The following PLXND1 variants were observed in gnomAD, a reference collection of about 807,000 sequenced individuals.
PLXND1 encodes plexin D1.
In PLXND1, 54 loss-of-function variants were observed where a neutral mutation model predicts 197.7. That is an observed-to-expected ratio of 0.27 (90% CI 0.22 to 0.34). The LOEUF (loss-of-function observed/expected upper bound fraction) is 0.34, where lower values mean the gene tolerates loss of function less well. Ranked by LOEUF, PLXND1 falls within the 10% of genes least tolerant of loss-of-function variation. The pLI is 1.00. For missense variants in PLXND1, 2,127 were observed against 2,699.2 expected, an observed-to-expected ratio of 0.79 and a Z score of 4.70; for synonymous variants, 1,180 against 1,161.2, an observed-to-expected ratio of 1.02 and a Z score of -0.33.
intron 1 of PLXND1, among the ~76,000 whole-genome samples, chr3:129,597,966 G>C (rs946737744): frequency 6.6e-6 from 1 of 152,150 alleles, no homozygotes; most frequent in Non-Finnish European, 1.5e-5. Flanking sequence ...CCGGGTGAGC[G>C]CCTCCGCCCC....
intron 1 of PLXND1, among the ~76,000 whole-genome samples, chr3:129,599,390 C>A (rs1008208896): frequency 6.6e-6 from 1 of 152,216 alleles, no homozygotes; most frequent in African/African-American, 2.4e-5. Context: ...TAGGAAGGGG[C>A]AGAGGCAGGA....
chr3:129,592,891 G>A (rs1490215991), intron 1 of PLXND1, among the ~76,000 whole-genome samples: 3 of 152,104 alleles, frequency 2.0e-5, no homozygotes, highest in African/African-American at 7.2e-5. Flanking sequence ...GGGGGATGCA[G>A]GCTGGGGGAG....
At position 129,562,816 on chromosome 3, in the gene PLXND1, T is replaced by C; in HGVS notation, c.4796A>G (p.Gln1599Arg). The C allele has an allele frequency of 6.2e-7, 1 of 1,606,022 alleles. No homozygotes were observed. The highest frequency in any genetic ancestry group is 2.2e-5 in the East Asian group (1 of 44,608). ...EAFCKNVPYSQWPRAEDVDLE... is the reference protein window; with the variant it reads ...EAFCKNVPYSRWPRAEDVDLE... ...GTCGACGTCCTCTGCACGCGGCCACTGGGAGTAGGGCACATTCTTGCAGAA... is the reference window on the plus strand; with the variant it reads ...GTCGACGTCCTCTGCACGCGGCCACCGGGAGTAGGGCACATTCTTGCAGAA... The change falls in exon 27 of 36, where the codon CAG becomes CGG. Residue 1599 changes from glutamine (Q) to arginine (R), a missense_variant. Around this residue, in one of 6 missense-constraint regions of PLXND1, gnomAD observed 532 missense variants for 811.0 expected, o/e 0.66. Transcript: ENST00000324093.
intron 1 of PLXND1, among the ~76,000 whole-genome samples, chr3:129,592,773 G>A (rs77330853): frequency 0.091 from 13,909 of 152,224 alleles, 881 homozygotes; most frequent in East Asian, 0.26. Flanking sequence ...CGAATGATCT[G>A]TGTTCCGAGG....
chr3:129,589,310 T>TGGCCCC, intron 2 of PLXND1, 41 bp downstream of exon 2: 6 of 501,290 alleles, frequency 1.2e-5, no homozygotes, highest in East Asian at 5.1e-5. Flanking sequence ...CAGGGGAGCC[T>TGGCCCC]CCCACCCCCA....
chr3:129,558,516 T>A lies in PLXND1; in HGVS notation c.5357A>T (p.Asp1786Val), dbSNP rs763877206. 2 of 1,613,876 alleles carry A rather than the reference T, an allele frequency of 1.2e-6. No individual in the cohort carries two copies. The highest frequency in any genetic ancestry group is 1.3e-5 in the African/African-American group (1 of 75,016). Residue 1786 changes from aspartate to valine, a missense_variant, in exon 33 of 36, where the codon GAC becomes GTC. This residue lies in a region of PLXND1 where 200 missense variants were observed against 303.3 expected (regional missense o/e 0.66). Coordinates refer to ENST00000324093, the MANE Select transcript of PLXND1 (RefSeq NM_015103.3). The surrounding 1 kb of genome is among the most constrained non-coding windows in gnomAD (Gnocchi z 4.1). Reference protein sequence around the residue: ...LKNPQFVFDIDKTDHIDACLS... With the variant: ...LKNPQFVFDIVKTDHIDACLS... ...GCAGGCGTCGATGTGGTCTGTCTTG[T>A]CGATGTCAAAGACAAACTGGGGGTT...
chr3:129,574,786 G>A (rs1319261637), intron 11 of PLXND1, among the ~76,000 whole-genome samples: 1 of 152,216 alleles, frequency 6.6e-6, no homozygotes, highest in African/African-American at 2.4e-5. Context: ...AGAGGCTGAC[G>A]CTCAGACAGG....
Position 129,584,396 on chromosome 3 carries a change from G to C in PLXND1, c.2018C>G (p.Pro673Arg), listed in dbSNP as rs1384937172. The C allele has an allele frequency of 6.2e-7, 1 of 1,612,514 alleles. No individual in the cohort carries two copies. Among genetic ancestry groups the C allele is most frequent in the Non-Finnish European group, 8.5e-7 (1 of 1,179,248 alleles). ...CACAGCGTGCTTACCCTGGTTGGGG[G>C]GGAAGGGCGGAAACTGGTCCCTCGG... ...LLPRDQFPPF[P>R]PNQDHVTVEM... The change falls in exon 6 of 36, where the codon CCC becomes CGC. Residue 673 changes from proline (P) to arginine (R), a missense_variant. This residue lies in a region of PLXND1 where 1,095 missense variants were observed against 1,259.8 expected (regional missense o/e 0.87). Transcript: ENST00000324093.
At chr3:129,559,993 TG>T (rs1163134147) in intron 31 of PLXND1, among the ~76,000 whole-genome samples, 1 of 152,204 alleles carries the variant, frequency 6.6e-6, no homozygotes, top group Non-Finnish European at 1.5e-5. Context: ...AGTCGAGAAC[TG>T]GAAGTGCCAG....
In PLXND1 at chr3:129,584,660, T is replaced by A. The variant is rs115344505; in HGVS notation, c.1852-98A>T. The A allele has an allele frequency of 1.0e-3, 1,207 of 1,175,164 alleles. 9 individuals are homozygous for A. In the African/African-American group the frequency reaches 0.015, roughly 14 times the overall value. 72.8% of individuals were successfully genotyped at this position (1,175,164 alleles called of 1,614,324 possible). On this transcript the variant is annotated intron_variant, in intron 5 of 35. Transcript: ENST00000324093. ...AACCCAAGGTCTGGCACTGCCTGAA[T>A]GTCCCCTGGGGGAAGGGGTAGTGGT...
intron 2 of PLXND1, 41 bp downstream of exon 2, chr3:129,589,310 T>TGGGG: frequency 1.0e-5 from 5 of 501,294 alleles, no homozygotes; most frequent in Non-Finnish European, 1.5e-5. Flanking sequence ...CAGGGGAGCC[T>TGGGG]CCCACCCCCA....
chr3:129,563,361 G>A (rs2108766871), intron 25 of PLXND1, 121 bp from the exon 26 acceptor site: 1 of 750,872 alleles, frequency 1.3e-6, no homozygotes, highest in African/African-American at 1.8e-5. Flanking sequence ...TTGGATCCTG[G>A]TGTCAACACT....
At position 129,557,751 on chromosome 3, in the gene PLXND1, C is replaced by T. The variant is rs187191639; in HGVS notation, c.5446-528G>A. On this transcript the variant is annotated intron_variant, in intron 33 of 35. Transcript: ENST00000324093. This position sits in a 1 kb window ranked among gnomAD's most constrained non-coding sequence, Gnocchi z 4.8. ...TGGAGCGATGGCATTTTCTCCTTCC[C>T]GTGGTCCGTCTCTGAAATGCGTGGG... 1.7e-4 allele frequency among the ~76,000 whole-genome samples: 26 copies of T among 152,334 alleles called. No homozygotes were observed. The highest frequency in any genetic ancestry group is 3.4e-3 in the Middle Eastern group (1 of 294).
In PLXND1 at chr3:129,596,899, A is replaced by G. The variant is rs958212139; in HGVS notation, c.1312-7372T>C. On this transcript the variant is annotated intron_variant, in intron 1 of 35. Transcript: ENST00000324093. ...CGCAAACATCTCCGGGCTGGATTCC[A>G]TGAGCTGGGGACACAGAGGTGACAA... is the stretch of plus-strand genomic sequence containing the variant. Among the ~76,000 whole-genome samples the G allele has an allele frequency of 3.3e-5, 5 of 152,244 alleles. No homozygotes were observed. The South Asian group carries it at 1.0e-3, about 32-fold the overall frequency.
chr3:129,558,629 G>T lies in PLXND1; in HGVS notation c.5298-54C>A, dbSNP rs780503539. ...GGGTAGGGTGGGGTAGGAAGCAGTC[G>T]AGGGACAGTTGTGGAGGAGAGAGCT... On this transcript the variant is annotated intron_variant, in intron 32 of 35. Transcript: ENST00000324093. This position sits in a 1 kb window ranked among gnomAD's most constrained non-coding sequence, Gnocchi z 4.1. 1.3e-5 allele frequency: 21 copies of T among 1,563,268 alleles called. No individual in the cohort carries two copies. Among genetic ancestry groups the T allele is most frequent in the Non-Finnish European group, 1.7e-5 (19 of 1,140,562 alleles).
At chr3:129,570,614 G>A (rs2085209302) in intron 19 of PLXND1, 172 bp downstream of exon 19, 2 of 661,444 alleles carry the variant, frequency 3.0e-6, no homozygotes, top group Admixed American at 5.3e-5. Flanking sequence ...TAAGTTCTTG[G>A]GCCTCAGTTT....
At chr3:129,581,559 A>G (rs1339872673) in intron 8 of PLXND1, among the ~76,000 whole-genome samples, 2 of 152,228 alleles carry the variant, frequency 1.3e-5, no homozygotes, top group Non-Finnish European at 2.9e-5. Flanking sequence ...GTGGCTTTGT[A>G]GTGAGCATCT....
At chr3:129,604,627 G>A (rs543125983) in intron 1 of PLXND1, among the ~76,000 whole-genome samples, 1 of 152,348 alleles carries the variant, frequency 6.6e-6, no homozygotes, top group African/African-American at 2.4e-5. Flanking sequence ...TTGCAGAATA[G>A]GTGAATAAAA....
In PLXND1 at chr3:129,589,376, C is replaced by T. The variant is rs1373548451; in HGVS notation, c.1463G>A (p.Gly488Asp). 1 of 1,489,494 alleles carries T rather than the reference C, an allele frequency of 6.7e-7. No homozygotes were observed. Among genetic ancestry groups the T allele is most frequent in the Non-Finnish European group, 9.1e-7 (1 of 1,102,656 alleles). The allele number at this position is 1,489,494 out of a possible 1,614,324, so 92.3% of individuals were successfully genotyped here. Residue 488 changes from glycine (G) to aspartate (D), a missense_variant, in exon 2 of 36, where the codon GGC (glycine) becomes GAC (aspartate). This residue lies in a region of PLXND1 where 1,095 missense variants were observed against 1,259.8 expected (regional missense o/e 0.87). Transcript: ENST00000324093. ...SVNNYTAVFL[G>D]TVNGRLLKIN... ...CTTGAGAAGCCTCCCGTTGACCGTGCCCAGGAAGACCGCTGTGTAGTTGTT... is the reference window on the plus strand; with the variant it reads ...CTTGAGAAGCCTCCCGTTGACCGTGTCCAGGAAGACCGCTGTGTAGTTGTT...
Sources: allele counts gnomAD v4.1 joint callset (sites outside exome capture counted in the v4.1 genomes callset), GRCh38; gene constraint gnomAD v4.1.1; regional missense constraint gnomAD v4.1.1; non-coding constraint Gnocchi (gnomAD v3.1); transcripts MANE v1.5; gene names NCBI Gene and HGNC (gene_info 2026-07-23, HGNC 2026-07-21).